DCC: variants seen among roughly 807,000 people sequenced by gnomAD.
The protein encoded by DCC is netrin receptor DCC.
Under a neutral mutation model 172.5 loss-of-function variants are expected in DCC, and 58 were observed. The ratio of observed to expected loss-of-function variants is 0.34; its 90% CI spans 0.27 to 0.42. DCC has a LOEUF of 0.42. Among genes scored for constraint, DCC ranks in the 10% least tolerant of loss-of-function variants. The pLI, the probability that DCC is intolerant of heterozygous loss-of-function variation, is 1.00. For missense variants in DCC, 1,740 were observed against 1,791.0 expected (o/e 0.97, Z 0.51); for synonymous variants, 709 against 644.5 (o/e 1.10, Z -1.52).
At chr18:52,483,307 C>A (rs1455160675) in intron 1 of DCC, among the ~76,000 whole-genome samples, 1 of 152,070 alleles carries the variant, frequency 6.6e-6, no homozygotes, top group African/African-American at 2.4e-5. Flanking sequence ...TGTTGGAGGG[C>A]CATGCAGCCA....
chr18:52,852,745 A>T (rs2038996106), intron 2 of DCC, among the ~76,000 whole-genome samples: 2 of 152,276 alleles, frequency 1.3e-5, no homozygotes, highest in South Asian at 4.2e-4. Flanking sequence ...GAAACTTCTT[A>T]TTCTCCAAGC....
chr18:52,527,353 G>A (rs1034840121), intron 1 of DCC, among the ~76,000 whole-genome samples: 4 of 152,212 alleles, frequency 2.6e-5, no homozygotes, highest in Non-Finnish European at 4.4e-5. Flanking sequence ...AATACATGAA[G>A]TGGTGGTTCT....
intron 2 of DCC, among the ~76,000 whole-genome samples, chr18:52,838,493 C>T (rs972852571): frequency 6.6e-6 from 1 of 151,904 alleles, no homozygotes; most frequent in Non-Finnish European, 1.5e-5. Context: ...CTAGAAGATG[C>T]CGGGGTGTGG....
chr18:52,833,839 T>G (rs73956067), intron 2 of DCC, among the ~76,000 whole-genome samples: 1 of 151,756 alleles, frequency 6.6e-6, no homozygotes, highest in East Asian at 1.9e-4. Context: ...TAAAAAAAAT[T>G]TTTTTGTAGA....
Position 53,019,432 on chromosome 18 carries a change from A to G in DCC, c.986-43873A>G, listed in dbSNP as rs1473053989. Among the ~76,000 whole-genome samples, 6 of 152,156 alleles carry G rather than the reference A, an allele frequency of 3.9e-5. No individual in the cohort carries two copies. The East Asian group carries it at 1.2e-3, about 29-fold the overall frequency. ...GCCATTGTCATGAGCTACTTTTCCT[A>G]GGGTTGGTACCTTAAGAAAACTCAC... On this transcript the variant is annotated intron_variant, in intron 5 of 28. Transcript: ENST00000442544.
At chr18:53,529,034 T>A (rs557827944) in intron 28 of DCC, among the ~76,000 whole-genome samples, 1,116 of 64,086 alleles carry the variant, frequency 0.017, 22 homozygotes, top group African/African-American at 0.073. Context: ...TCTCTCTCTC[T>A]CTCTCACACA....
At chr18:52,776,290 AAG>A (rs200081165) in intron 2 of DCC, among the ~76,000 whole-genome samples, 8,032 of 152,150 alleles carry the variant, frequency 0.053, 285 homozygotes, top group South Asian at 0.16. Flanking sequence ...ACTCCAAAAG[AAG>A]AACAAAAATG....
intron 25 of DCC, among the ~76,000 whole-genome samples, chr18:53,475,545 C>T (rs940617696): frequency 6.6e-6 from 1 of 152,206 alleles, no homozygotes; most frequent in Admixed American, 6.5e-5. Context: ...ACCCTCAAGT[C>T]TTGGCAGCTT....
intron 7 of DCC, among the ~76,000 whole-genome samples, chr18:53,128,652 A>G (rs180827631): frequency 1.3e-3 from 194 of 151,982 alleles, no homozygotes; most frequent in African/African-American, 4.3e-3. Context: ...GAAATTATTA[A>G]GCATATTTTT....
intron 7 of DCC, among the ~76,000 whole-genome samples, chr18:53,129,596 T>C (rs2043620812): frequency 6.6e-6 from 1 of 152,124 alleles, no homozygotes; most frequent in Admixed American, 6.6e-5. Context: ...TCCTCTTTTT[T>C]TCTGGCTTTT....
At chr18:53,303,608 G>A (rs778796990) in intron 12 of DCC, among the ~76,000 whole-genome samples, 4 of 152,194 alleles carry the variant, frequency 2.6e-5, no homozygotes, top group African/African-American at 4.8e-5. Context: ...CACCGGTGTG[G>A]CCTGTCTGTT....
intron 7 of DCC, among the ~76,000 whole-genome samples, 197 bp from the exon 8 acceptor site, chr18:53,157,159 C>G (rs1312594265): frequency 2.0e-5 from 3 of 152,132 alleles, no homozygotes; most frequent in Non-Finnish European, 2.9e-5. Flanking sequence ...ATGTCATTAG[C>G]CACACTTTAA....
chr18:53,049,824 G>A (rs556928547), intron 5 of DCC, among the ~76,000 whole-genome samples: 2 of 152,134 alleles, frequency 1.3e-5, no homozygotes, highest in South Asian at 4.2e-4. Context: ...GAAATGAATA[G>A]GTCAGACGTA....
intron 15 of DCC, among the ~76,000 whole-genome samples, chr18:53,344,547 A>G (rs1189881888): frequency 2.0e-5 from 3 of 146,516 alleles, no homozygotes; most frequent in Non-Finnish European, 4.5e-5. Context: ...GGTTCAAGCA[A>G]TCTCCTGCCT....
At chr18:52,919,953 A>G (rs1033560534) in intron 3 of DCC, among the ~76,000 whole-genome samples, 3 of 151,226 alleles carry the variant, frequency 2.0e-5, no homozygotes, top group Non-Finnish European at 4.4e-5. Context: ...TTTGAGCAAA[A>G]TCAAGTCAGT....
At chr18:53,296,797 T>G (rs2144761134) in intron 12 of DCC, among the ~76,000 whole-genome samples, 1 of 152,292 alleles carries the variant, frequency 6.6e-6, no homozygotes, top group East Asian at 1.9e-4. Context: ...TCACCAGAAG[T>G]CCAAAACTGA....
At chr18:53,225,498 C>T (rs2056013061) in intron 12 of DCC, among the ~76,000 whole-genome samples, 1 of 152,072 alleles carries the variant, frequency 6.6e-6, no homozygotes, top group Admixed American at 6.6e-5. Context: ...TGGGCACAGA[C>T]AATTGAATCT....
At chr18:52,869,847 G>C (rs1468635346) in intron 2 of DCC, among the ~76,000 whole-genome samples, 1 of 152,300 alleles carries the variant, frequency 6.6e-6, no homozygotes, top group African/African-American at 2.4e-5. Context: ...GAGGCCAGAC[G>C]GAGAGAACAG....
intron 21 of DCC, among the ~76,000 whole-genome samples, chr18:53,425,369 T>TG (rs1489433216): frequency 7.3e-6 from 1 of 136,302 alleles, no homozygotes; most frequent in South Asian, 2.4e-4. Flanking sequence ...TTTTTTTTTT[T>TG]TTTTTTTTGA....
Sources: allele counts gnomAD v4.1 joint callset (sites outside exome capture counted in the v4.1 genomes callset), GRCh38; gene constraint gnomAD v4.1.1; transcripts MANE v1.5; gene names NCBI Gene and HGNC (gene_info 2026-07-23, HGNC 2026-07-21).